Variants in SMYD4 observed in about 807,000 individuals in gnomAD.
SMYD4 encodes SET and MYND domain containing 4, also known as protein-lysine N-methyltransferase SMYD4.
In SMYD4, 68 loss-of-function variants were observed where a neutral mutation model predicts 72.8. The ratio of observed to expected loss-of-function variants is 0.93; its 90% confidence interval spans 0.77 to 1.14. The LOEUF (loss-of-function observed/expected upper bound fraction) is 1.14, where lower values mean the gene tolerates loss of function less well. SMYD4 is among the 50% of genes most tolerant of loss of function. The probability of loss-of-function intolerance (pLI) is 0.00; values close to 1 mark genes in which losing one functional copy is unlikely to be tolerated. For synonymous variants in SMYD4, 407 were observed against 388.6 expected (o/e 1.05, Z -0.56); for missense variants, 984 against 1,003.7 (o/e 0.98, Z 0.27).
intron 1 of SMYD4, among the ~76,000 whole-genome samples, chr17:1,828,985 C>G (rs1382779927): frequency 4.5e-5 from 1 of 22,232 alleles, no homozygotes. Context: ...GTATTTCCCT[C>G]TCTTACATAG....
intron 2 of SMYD4, among the ~76,000 whole-genome samples, chr17:1,823,175 C>T (rs538305980): frequency 3.3e-5 from 5 of 150,078 alleles, no homozygotes; most frequent in Non-Finnish European, 7.4e-5. Flanking sequence ...TCAAGACCAT[C>T]CTGGCTAACG....
At chr17:1,828,436 T>A (rs1166907405) in intron 1 of SMYD4, among the ~76,000 whole-genome samples, 1 of 151,978 alleles carries the variant, frequency 6.6e-6, no homozygotes, top group Non-Finnish European at 1.5e-5. Flanking sequence ...TTCCTCTAGT[T>A]TATATGCTAA....
Position 1,789,280 on chromosome 17 carries a change from C to T in SMYD4, c.1538-1676G>A, listed in dbSNP as rs564813033. Among the ~76,000 whole-genome samples the T allele has an allele frequency of 1.1e-4, 17 of 152,196 alleles. 1 individual carries two copies. In the South Asian group the frequency reaches 2.7e-3, roughly 24 times the overall value. ...GCATGCGCCTGTAGTCCCAGCTACTCGGGAGGCGAGGTACGAGAATTGCTT... is the reference window on the plus strand; with the variant it reads ...GCATGCGCCTGTAGTCCCAGCTACTTGGGAGGCGAGGTACGAGAATTGCTT... On this transcript the variant is annotated intron_variant, in intron 5 of 10. Coordinates refer to ENST00000305513, the MANE Select transcript of SMYD4 (RefSeq NM_052928.3).
chr17:1,801,388 G>A lies in SMYD4; in HGVS notation c.370-364C>T, dbSNP rs530407013. On this transcript the variant is annotated intron_variant, in intron 4 of 10. Transcript: ENST00000305513. ...TGAGTAGCTGGGACTACAGGTGCCC[G>A]CCACCACACCCAGCTATTTTTTTTT... Among the ~76,000 whole-genome samples the A allele has an allele frequency of 2.7e-3, 417 of 151,662 alleles. 1 individual carries two copies. The highest frequency in any genetic ancestry group is 9.6e-3 in the African/African-American group (399 of 41,396).
intron 2 of SMYD4, among the ~76,000 whole-genome samples, chr17:1,825,412 A>T (rs1186070405): frequency 6.6e-6 from 1 of 152,154 alleles, no homozygotes; most frequent in Non-Finnish European, 1.5e-5. Context: ...TTAGCAGAAA[A>T]CAATGAACAT....
rs373618388 is a variant in SMYD4, at chr17:1,800,396, G to A, written c.998C>T (p.Thr333Ile). 8 of 1,614,070 alleles carry A rather than the reference G, an allele frequency of 5.0e-6. No individual in the cohort carries two copies. The highest frequency in any genetic ancestry group is 3.3e-5 in the South Asian group (3 of 91,092). The change falls in exon 5 of 11, where the codon ACA (threonine) becomes ATA (isoleucine). Residue 333 changes from threonine to isoleucine, a missense_variant. By Grantham distance (89) the Thr-to-Ile change is moderately conservative. Transcript: ENST00000305513. Reference protein sequence around the residue: ...LQQAWELYHRTECPLGGLLLT... With the variant: ...LQQAWELYHRIECPLGGLLLT... Reference sequence around the variant, plus strand: ...AAGCAGCCCTCCCAGAGGACATTCTGTCCTGTGGTAGAGCTCCCAGGCCTG... The same window carrying A: ...AAGCAGCCCTCCCAGAGGACATTCTATCCTGTGGTAGAGCTCCCAGGCCTG...
At chr17:1,781,691 T>TG in intron 10 of SMYD4, 2 of 272,758 alleles carry the variant, frequency 7.3e-6, no homozygotes, top group Non-Finnish European at 1.3e-5. Flanking sequence ...TTTTTTTTTT[T>TG]GAGACAAGAG....
chr17:1,821,094 C>A (rs1910862965), intron 2 of SMYD4, among the ~76,000 whole-genome samples: 1 of 152,140 alleles, frequency 6.6e-6, no homozygotes. Flanking sequence ...AAATGTAATT[C>A]AAAGCATCCT....
intron 2 of SMYD4, among the ~76,000 whole-genome samples, chr17:1,812,785 A>G (rs1597391099): frequency 1.3e-5 from 2 of 151,630 alleles, no homozygotes; most frequent in South Asian, 4.2e-4. Context: ...CTGACCTCAA[A>G]TGGTCCACCT....
At chr17:1,807,329 C>A (rs1597386420) in intron 3 of SMYD4, among the ~76,000 whole-genome samples, 1 of 140,968 alleles carries the variant, frequency 7.1e-6, no homozygotes, top group Admixed American at 7.1e-5. Context: ...AATGAGGATG[C>A]TTTTTTTTTT....
At chr17:1,785,668 G>C (rs1236616815) in intron 7 of SMYD4, among the ~76,000 whole-genome samples, 1 of 151,706 alleles carries the variant, frequency 6.6e-6, no homozygotes, top group Non-Finnish European at 1.5e-5. Flanking sequence ...GCTGAGGCAG[G>C]AGAATTGCTT....
chr17:1,781,508 C>T lies in SMYD4; in HGVS notation c.2262-69G>A, dbSNP rs1024344507. ...GGCAAATGTTAATTGAGGGCCTACT[C>T]ACACACCGTGAAGAATGTAAGATCA... On this transcript the variant is annotated intron_variant, in intron 10 of 10. Coordinates refer to ENST00000305513, the MANE Select transcript of SMYD4 (RefSeq NM_052928.3). 2.4e-5 allele frequency: 37 copies of T among 1,529,462 alleles called. No homozygotes were observed. The South Asian group carries it at 4.5e-4, about 18-fold the overall frequency. 94.7% of individuals were successfully genotyped at this position (1,529,462 alleles called of 1,614,324 possible).
chr17:1,811,356 T>G (rs186884255), intron 3 of SMYD4, among the ~76,000 whole-genome samples: 1 of 151,968 alleles, frequency 6.6e-6, no homozygotes, highest in Admixed American at 6.6e-5. Context: ...TAAAAAAAAT[T>G]TGTGTGTGTG....
At position 1,794,105 on chromosome 17, in the gene SMYD4, A is replaced by ATATATT. The variant is rs1291818005; in HGVS notation, c.1537+5751_1537+5752insAATATA. 5.2e-3 allele frequency among the ~76,000 whole-genome samples: 68 copies of ATATATT among 12,988 alleles called. 11 individuals are homozygous for ATATATT. Among genetic ancestry groups the ATATATT allele is most frequent in the African/African-American group, 7.3e-3 (20 of 2,754 alleles). The allele number at this position is 12,988 out of a possible 152,430, so 8.5% of individuals were successfully genotyped here. A position where few individuals can be genotyped will look rare whatever the true frequency, so the allele number is the denominator to read the frequency against. Reference sequence around the variant, plus strand: ...TGTATATATATATATATATATATATATTTTTTTTTTTTTTTTTTTTTTGAG... The same window carrying ATATATT: ...TGTATATATATATATATATATATATATATATTTTTTTTTTTTTTTTTTTTTTTTGAG... On this transcript the variant is annotated intron_variant, in intron 5 of 10. Coordinates refer to ENST00000305513, the MANE Select transcript of SMYD4 (RefSeq NM_052928.3).
intron 2 of SMYD4, among the ~76,000 whole-genome samples, chr17:1,826,345 A>T (rs983748177): frequency 6.6e-6 from 1 of 151,964 alleles, no homozygotes; most frequent in African/African-American, 2.4e-5. Flanking sequence ...ATACAAAATT[A>T]GCCGGGTATG....
chr17:1,783,634 G>C, intron 8 of SMYD4, 158 bp from the exon 9 acceptor site: 1 of 1,312,888 alleles, frequency 7.6e-7, no homozygotes, highest in African/African-American at 1.5e-5. Flanking sequence ...TTCCAATAAA[G>C]CTGCTGTTTT....
At position 1,783,081 on chromosome 17, in the gene SMYD4, C is replaced by T. The variant is rs1223576905; in HGVS notation, c.2215G>A (p.Glu739Lys). ...AATTTGAAGAGCTCATGGCCCATTT[C>T]AACACTGGACGGCCCGTGGCGAACC... is the stretch of plus-strand genomic sequence containing the variant. ...VEVRHGPSSVEMGHELFKLAQ... is the reference protein window; with the variant it reads ...VEVRHGPSSVKMGHELFKLAQ... The change falls in exon 10 of 11, where the codon GAA (glutamate) becomes AAA (lysine). Residue 739 changes from glutamate (E) to lysine (K), a missense_variant. Glu to Lys is a moderately conservative substitution (Grantham distance 56). Coordinates refer to ENST00000305513, the MANE Select transcript of SMYD4 (RefSeq NM_052928.3). 3 of 1,614,196 alleles carry T rather than the reference C, an allele frequency of 1.9e-6. No homozygotes were observed. The highest frequency in any genetic ancestry group is 1.7e-4 in the Middle Eastern group (1 of 6,060).
intron 3 of SMYD4, among the ~76,000 whole-genome samples, chr17:1,809,213 A>G (rs1910193759): frequency 6.6e-6 from 1 of 151,904 alleles, no homozygotes; most frequent in African/African-American, 2.4e-5. Context: ...TTAATATCCA[A>G]GGTCACAGAA....
At chr17:1,802,533 AT>A (rs1476365165) in intron 4 of SMYD4, among the ~76,000 whole-genome samples, 3 of 152,172 alleles carry the variant, frequency 2.0e-5, no homozygotes, top group Admixed American at 2.0e-4. Context: ...GAAACAATCA[AT>A]AAAGAAAAGT....
Sources: gnomAD v4.1 joint callset for allele counts (sites outside exome capture counted in the v4.1 genomes callset) on GRCh38, gnomAD v4.1.1 for gene constraint, MANE v1.5 for transcripts, NCBI Gene and HGNC (gene_info 2026-07-23, HGNC 2026-07-21) for gene names.